Variants in ZNF212 observed in about 807,000 individuals in gnomAD.
ZNF212 encodes the protein Zinc finger protein C2H2-150.
In ZNF212, 32 loss-of-function variants were observed where a neutral mutation model predicts 47.3. The ratio of observed to expected loss-of-function variants is 0.68; its 90% CI spans 0.51 to 0.91. The LOEUF is 0.91. Among genes scored for constraint, ZNF212 ranks in the 40% least tolerant of loss-of-function variants. ZNF212 has a pLI of 0.00. For synonymous variants in ZNF212, 242 were observed against 253.8 expected (o/e 0.95, Z 0.44); for missense variants, 555 against 622.8 (o/e 0.89, Z 1.16).
chr7:149,243,905 A>G (rs917586179), intron 1 of ZNF212, among the ~76,000 whole-genome samples: 1 of 152,086 alleles, frequency 6.6e-6, no homozygotes, highest in Admixed American at 6.6e-5. Flanking sequence ...GTTAGCTAGT[A>G]TGATTGAGGA....
rs2129524429 is a variant in ZNF212, at chr7:149,254,301, T to C, written c.1374T>C (p.Thr458=). 6.2e-7 allele frequency: 1 copy of C among 1,614,082 alleles called. No homozygotes were observed. Among genetic ancestry groups the C allele is most frequent in the Non-Finnish European group, 8.5e-7 (1 of 1,180,032 alleles). ...CGGGTGAGCGGCCCTACAGCTGCAC[T>C]GAGTGTGAGAAGAGCTTTGTCCAGA... ...IHTGERPYSC[T]ECEKSFVQKQ... The change falls in exon 5 of 5, where the codon ACT becomes ACC. Residue 458 remains threonine, a synonymous_variant. Transcript: ENST00000335870. The surrounding 1 kb of genome is among the most constrained non-coding windows in gnomAD (Gnocchi z 4.5).
At chr7:149,244,393 A>G (rs1010344626) in intron 1 of ZNF212, among the ~76,000 whole-genome samples, 26 of 151,950 alleles carry the variant, frequency 1.7e-4, no homozygotes, top group African/African-American at 6.3e-4. Context: ...GCTCACTGCA[A>G]GCTCCGCCTC....
At position 149,254,326 on chromosome 7, in the gene ZNF212, A is replaced by C; in HGVS notation, c.1399A>C (p.Lys467Gln). ...CTECEKSFVQKQHLLQHQKIH... is the reference protein window; with the variant it reads ...CTECEKSFVQQQHLLQHQKIH... ...TGAGTGTGAGAAGAGCTTTGTCCAG[A>C]AGCAGCACCTCCTGCAGCACCAGAA... is the stretch of plus-strand genomic sequence containing the variant. The change falls in exon 5 of 5, where the codon AAG becomes CAG. Residue 467 changes from lysine (K) to glutamine (Q), a missense_variant. Coordinates refer to ENST00000335870, the MANE Select transcript of ZNF212 (RefSeq NM_012256.4). The surrounding 1 kb of genome is among the most constrained non-coding windows in gnomAD (Gnocchi z 4.5). 6.2e-7 allele frequency: 1 copy of C among 1,613,472 alleles called. No individual in the cohort carries two copies. The highest frequency in any genetic ancestry group is 8.5e-7 in the Non-Finnish European group (1 of 1,180,020).
chr7:149,252,583 G>A (rs1311534071), intron 3 of ZNF212, 123 bp from the exon 4 acceptor site: 13 of 866,506 alleles, frequency 1.5e-5, no homozygotes, highest in African/African-American at 6.7e-5. Flanking sequence ...AAACTGACAA[G>A]AACAGTAGCC....
Position 149,239,793 on chromosome 7 carries a change from G to T in ZNF212, c.15G>T (p.Ala5=), listed in dbSNP as rs772942345. The T allele has an allele frequency of 3.0e-5, 38 of 1,273,222 alleles. No homozygotes were observed. The highest frequency in any genetic ancestry group is 8.0e-6 in the Non-Finnish European group (8 of 1,001,996). 78.9% of individuals were successfully genotyped at this position (1,273,222 alleles called of 1,614,324 possible). MAES[A]PARHRRKRRS... Reference sequence around the variant, plus strand: ...CGACTGGAGCCATGGCGGAGTCGGCGCCTGCTCGGGTAAAGAGGCACCGGC... The same window carrying T: ...CGACTGGAGCCATGGCGGAGTCGGCTCCTGCTCGGGTAAAGAGGCACCGGC... Residue 5 remains alanine (A), a synonymous_variant, in exon 1 of 5, where the codon GCG becomes GCT. Coordinates refer to ENST00000335870, the MANE Select transcript of ZNF212 (RefSeq NM_012256.4).
At chr7:149,251,499 T>TC (rs1796757671) in intron 3 of ZNF212, among the ~76,000 whole-genome samples, 1 of 142,616 alleles carries the variant, frequency 7.0e-6, no homozygotes, top group Admixed American at 7.0e-5. Flanking sequence ...ATCTTTTTTT[T>TC]TTTTTTTTTT....
chr7:149,242,320 G>A (rs1383562084), intron 1 of ZNF212, among the ~76,000 whole-genome samples: 6 of 151,358 alleles, frequency 4.0e-5, no homozygotes, highest in Admixed American at 6.6e-5. Flanking sequence ...CACCGCACCC[G>A]GCCTAAGGCA....
chr7:149,251,342 G>A (rs1394633014), intron 3 of ZNF212: 6 of 158,612 alleles, frequency 3.8e-5, no homozygotes, highest in African/African-American at 2.4e-5. Context: ...CTGCCACCAC[G>A]CCCAGCTAAT....
chr7:149,249,921 G>A (rs1056240268), intron 1 of ZNF212, among the ~76,000 whole-genome samples: 3 of 152,134 alleles, frequency 2.0e-5, no homozygotes, highest in Non-Finnish European at 2.9e-5. Context: ...GAGCCACCAC[G>A]GCCAGCCCTA....
chr7:149,240,391 C>T (rs1022468341), intron 1 of ZNF212, among the ~76,000 whole-genome samples: 2 of 150,586 alleles, frequency 1.3e-5, no homozygotes, highest in East Asian at 3.9e-4. Context: ...CACCCCCCCC[C>T]CAACACCCCC....
chr7:149,252,130 A>G (rs1219094710), intron 3 of ZNF212, among the ~76,000 whole-genome samples: 2 of 152,152 alleles, frequency 1.3e-5, no homozygotes, highest in Non-Finnish European at 2.9e-5. Context: ...TATATGCAAA[A>G]TGTTACCTAT....
At chr7:149,252,324 C>A (rs1796772206) in intron 3 of ZNF212, among the ~76,000 whole-genome samples, 1 of 152,222 alleles carries the variant, frequency 6.6e-6, no homozygotes, top group Middle Eastern at 3.4e-3. Context: ...TGTCCCAGTG[C>A]CCATCTTACC....
intron 1 of ZNF212, 54 bp from the exon 2 acceptor site, chr7:149,250,105 T>A: frequency 6.8e-7 from 1 of 1,463,136 alleles, no homozygotes. Flanking sequence ...TGAACACTGC[T>A]TTCTTTACTT....
intron 1 of ZNF212, among the ~76,000 whole-genome samples, chr7:149,243,847 T>A (rs1563187380): frequency 3.3e-5 from 5 of 152,236 alleles, no homozygotes; most frequent in African/African-American, 1.2e-4. Context: ...CTCTGCACTG[T>A]TTAATACAGT....
At chr7:149,252,827 C>T (rs1796778364) in intron 4 of ZNF212, 32 bp downstream of exon 4, 2 of 1,605,464 alleles carry the variant, frequency 1.2e-6, no homozygotes, top group Admixed American at 3.4e-5. Flanking sequence ...TGTTCCCCTT[C>T]CATAGCCCTC....
intron 1 of ZNF212, among the ~76,000 whole-genome samples, chr7:149,244,413 T>C (rs895970839): frequency 3.9e-5 from 6 of 152,136 alleles, no homozygotes; most frequent in Middle Eastern, 3.4e-3. Context: ...CCCGGGTTCA[T>C]GCCATTCTCC....
In ZNF212 at chr7:149,239,738, G is replaced by T; in HGVS notation, c.-41G>T. The T allele has an allele frequency of 1.6e-6, 2 of 1,277,210 alleles. No individual in the cohort carries two copies. Among genetic ancestry groups the T allele is most frequent in the Non-Finnish European group, 2.0e-6 (2 of 1,005,734 alleles). The allele number at this position is 1,277,210 out of a possible 1,614,324, so 79.1% of individuals were successfully genotyped here. On this transcript the variant is annotated 5_prime_UTR_variant, in exon 1 of 5. Coordinates refer to ENST00000335870, the MANE Select transcript of ZNF212 (RefSeq NM_012256.4). ...GAGCGGACAGGAACGCAGCACGGGG[G>T]CTCCGAGGCGGGGTCTGGGTGTTGA... is the stretch of plus-strand genomic sequence containing the variant.
intron 4 of ZNF212, 77 bp from the exon 5 acceptor site, chr7:149,253,482 C>T (rs1796787171): frequency 6.6e-7 from 1 of 1,504,232 alleles, no homozygotes. Flanking sequence ...CTGAAATTCA[C>T]AGATGTTTGT....
intron 3 of ZNF212, 52 bp from the exon 4 acceptor site, chr7:149,252,654 G>A: frequency 6.5e-7 from 1 of 1,540,150 alleles, no homozygotes. Context: ...TGATCAGTGT[G>A]CAGTGAGCTT....
Sources: allele counts gnomAD v4.1 joint callset (sites outside exome capture counted in the v4.1 genomes callset), GRCh38; gene constraint gnomAD v4.1.1; non-coding constraint Gnocchi (gnomAD v3.1); transcripts MANE v1.5; gene names NCBI Gene and HGNC (gene_info 2026-07-23, HGNC 2026-07-21).